The following GPHN variants were observed in gnomAD, a reference collection of about 807,000 sequenced individuals.
GPHN encodes gephyrin.
A neutral mutation model predicts 95.5 loss-of-function variants in GPHN; 17 were observed. The ratio of observed to expected loss-of-function variants is 0.18; its 90% CI spans 0.12 to 0.27. GPHN has a LOEUF of 0.27. Ranked by LOEUF, GPHN falls within the 10% of genes least tolerant of loss-of-function variation. The probability of loss-of-function intolerance (pLI) is 1.00; values close to 1 mark genes in which losing one functional copy is unlikely to be tolerated. For synonymous variants in GPHN, 320 were observed against 322.5 expected, an observed-to-expected ratio of 0.99 and a Z score of 0.08; for missense variants, 660 against 978.1, an observed-to-expected ratio of 0.67 and a Z score of 4.34.
At chr14:66,640,720 G>A (rs7152123) in intron 1 of GPHN, among the ~76,000 whole-genome samples, 47,743 of 151,952 alleles carry the variant, frequency 0.31, 11,508 homozygotes, top group African/African-American at 0.65. Flanking sequence ...ATGTGTTGAG[G>A]CTTTCCTTCC....
At chr14:66,753,529 A>G (rs1476771337) in intron 2 of GPHN, among the ~76,000 whole-genome samples, 2 of 152,076 alleles carry the variant, frequency 1.3e-5, no homozygotes, top group Non-Finnish European at 2.9e-5. Context: ...AAAATTTTAA[A>G]GAAAGTTATA....
intron 2 of GPHN, among the ~76,000 whole-genome samples, chr14:66,760,357 A>G (rs925130686): frequency 6.6e-6 from 1 of 152,206 alleles, no homozygotes; most frequent in South Asian, 2.1e-4. Context: ...TAGTTTAAAA[A>G]TTACTCTGTA....
At chr14:66,872,431 C>G (rs2063477428) in intron 4 of GPHN, among the ~76,000 whole-genome samples, 2 of 152,142 alleles carry the variant, frequency 1.3e-5, no homozygotes, top group African/African-American at 4.8e-5. Flanking sequence ...ATTTCACCCT[C>G]AAGTTTTAGC....
chr14:67,070,715 A>ATATAT (rs1555482657), intron 11 of GPHN, among the ~76,000 whole-genome samples: 1 of 80,740 alleles, frequency 1.2e-5, no homozygotes, highest in African/African-American at 1.3e-4. Context: ...AAAAAAAAAA[A>ATATAT]ATATATATAT....
the GPHN span, chr14:67,350,556 T>C: frequency 6.9e-7 from 1 of 1,455,562 alleles, no homozygotes; most frequent in Non-Finnish European, 9.5e-7. Context: ...TAAATGAAAT[T>C]ATGAGACTGA....
chr14:67,587,379 C>A, the GPHN span: 1 of 913,304 alleles, frequency 1.1e-6, no homozygotes, highest in Non-Finnish European at 1.8e-6. Context: ...CTCTGTGAAG[C>A]CTTTACTCTC....
chr14:67,089,390 G>T (rs1193990764), intron 12 of GPHN, among the ~76,000 whole-genome samples: 2 of 151,954 alleles, frequency 1.3e-5, no homozygotes, highest in African/African-American at 4.8e-5. Flanking sequence ...TGGGGTACAT[G>T]AGATATTTAG....
In GPHN at chr14:66,890,422, A is replaced by C. The variant is rs534679037; in HGVS notation, c.389+10389A>C. On this transcript the variant is annotated intron_variant, in intron 5 of 22. Coordinates refer to ENST00000478722, the MANE Select transcript of GPHN (RefSeq NM_020806.5). ...TGAGACCCTGTCTCAAAAAAAAAAA[A>C]AAAAAAAAACCTTTCTATCTTTCTA... 5.6e-4 allele frequency among the ~76,000 whole-genome samples: 85 copies of C among 152,182 alleles called. 1 individual carries two copies. The highest frequency in any genetic ancestry group is 1.9e-4 in the Non-Finnish European group (13 of 68,002).
chr14:66,680,070 A>G (rs574753501), intron 1 of GPHN, among the ~76,000 whole-genome samples: 2 of 152,170 alleles, frequency 1.3e-5, no homozygotes, highest in Non-Finnish European at 2.9e-5. Flanking sequence ...CCTCAACTCA[A>G]TTATGAATCT....
At chr14:67,711,902 T>A in the GPHN span, among the ~76,000 whole-genome samples, 6 of 152,084 alleles carry the variant, frequency 3.9e-5, no homozygotes, top group Non-Finnish European at 7.4e-5. Context: ...AGGAGACAAA[T>A]TTTATTTAGA....
At chr14:67,556,220 G>A in the GPHN span, among the ~76,000 whole-genome samples, 4 of 152,222 alleles carry the variant, frequency 2.6e-5, no homozygotes, top group African/African-American at 9.6e-5. Flanking sequence ...CAGGAATCCA[G>A]GTTAAAGGAG....
the GPHN span, chr14:67,582,288 G>T: frequency 6.2e-7 from 1 of 1,604,494 alleles, no homozygotes; most frequent in African/African-American, 1.3e-5. The surrounding 1 kb of genome is among the most constrained non-coding windows in gnomAD (Gnocchi z 5.0). Flanking sequence ...AAACACAGGA[G>T]AGATTCTGCA....
At chr14:67,340,979 A>C in the GPHN span, among the ~76,000 whole-genome samples, 1 of 152,170 alleles carries the variant, frequency 6.6e-6, no homozygotes, top group African/African-American at 2.4e-5. Context: ...CTCAGTGCTC[A>C]ATGGTGCCCA....
At chr14:67,336,188 T>A in the GPHN span, 9 of 152,436 alleles carry the variant, frequency 5.9e-5, no homozygotes, top group African/African-American at 1.9e-4. Flanking sequence ...ATATAACATA[T>A]TTTGTTTCTC....
At chr14:67,455,947 C>A in the GPHN span, among the ~76,000 whole-genome samples, 1 of 152,136 alleles carries the variant, frequency 6.6e-6, no homozygotes, top group African/African-American at 2.4e-5. Flanking sequence ...GCAATTGCAA[C>A]AATCACAAAT....
At chr14:66,534,370 A>G (rs773213140) in intron 1 of GPHN, among the ~76,000 whole-genome samples, 46 of 152,058 alleles carry the variant, frequency 3.0e-4, no homozygotes, top group Non-Finnish European at 4.0e-4. Context: ...CTGTTCTTGC[A>G]CTTCATGTAA....
Position 66,578,373 on chromosome 14 carries a change from G to C in GPHN, c.64+69782G>C, listed in dbSNP as rs145683909. 3.0e-3 allele frequency among the ~76,000 whole-genome samples: 462 copies of C among 151,892 alleles called. 2 individuals are homozygous for C. Among genetic ancestry groups the C allele is most frequent in the South Asian group, 0.014 (68 of 4,786 alleles). On this transcript the variant is annotated intron_variant, in intron 1 of 22. Transcript: ENST00000478722. Reference sequence around the variant, plus strand: ...TTATAGGAGTTCCAGAAGGAACACAGAGAGAGAAAGGAGTAGTGAATGTAT... The same window carrying C: ...TTATAGGAGTTCCAGAAGGAACACACAGAGAGAAAGGAGTAGTGAATGTAT...
At chr14:67,484,694 C>T in the GPHN span, among the ~76,000 whole-genome samples, 3 of 152,096 alleles carry the variant, frequency 2.0e-5, no homozygotes, top group Non-Finnish European at 2.9e-5. Flanking sequence ...GAGGCTGAGG[C>T]GGGAGGACTG....
the GPHN span, among the ~76,000 whole-genome samples, chr14:67,676,273 T>TC: frequency 6.6e-6 from 1 of 152,166 alleles, no homozygotes; most frequent in Non-Finnish European, 1.5e-5. Flanking sequence ...TTTTATTAGA[T>TC]CAAGTTCATT....
Sources: allele counts gnomAD v4.1 joint callset (sites outside exome capture counted in the v4.1 genomes callset), GRCh38; gene constraint gnomAD v4.1.1; non-coding constraint Gnocchi (gnomAD v3.1); transcripts MANE v1.5; gene names NCBI Gene and HGNC (gene_info 2026-07-23, HGNC 2026-07-21).